Variants in THADA observed in about 807,000 individuals in gnomAD.
THADA encodes the protein tRNA (32-2'-O)-methyltransferase regulator THADA.
THADA carries 213 observed loss-of-function variants against 219.8 expected under a neutral mutation model. That is an observed-to-expected ratio of 0.97 (90% CI 0.87 to 1.09). THADA has a LOEUF of 1.09. Ranked by LOEUF, THADA falls within the 50% of genes least tolerant of loss-of-function variation. The probability of loss-of-function intolerance (pLI) is 0.00; values close to 1 mark genes in which losing one functional copy is unlikely to be tolerated. For missense variants in THADA, 2,956 were observed against 2,311.3 expected, an observed-to-expected ratio of 1.28 and a Z score of -5.72; for synonymous variants, 1,018 against 828.9, an observed-to-expected ratio of 1.23 and a Z score of -3.92.
intron 21 of THADA, among the ~76,000 whole-genome samples, chr2:43,540,334 A>G (rs767911476): frequency 7.2e-5 from 11 of 152,214 alleles, no homozygotes; most frequent in Admixed American, 3.9e-4. Flanking sequence ...TGCATGCAAC[A>G]TAAGCCACAG....
At chr2:43,573,132 A>G in intron 11 of THADA, 140 bp from the exon 12 acceptor site, 1 of 673,268 alleles carries the variant, frequency 1.5e-6, no homozygotes, top group South Asian at 3.0e-5. Flanking sequence ...AACACAAATT[A>G]AAGTTCCTAT....
intron 25 of THADA, chr2:43,486,649 A>T (rs1296968816): frequency 6.6e-6 from 1 of 152,230 alleles, no homozygotes; most frequent in Admixed American, 6.5e-5. Context: ...TAGAGTCACA[A>T]GCTCAAATGC....
At chr2:43,542,854 CTTTAA>C (rs757618997) in intron 20 of THADA, among the ~76,000 whole-genome samples, 10 of 151,928 alleles carry the variant, frequency 6.6e-5, no homozygotes, top group Admixed American at 2.0e-4. Flanking sequence ...TGAAAGTCTT[CTTTAA>C]TTTAATTTAA....
intron 36 of THADA, among the ~76,000 whole-genome samples, chr2:43,264,876 T>C (rs1478842039): frequency 6.6e-6 from 1 of 152,170 alleles, no homozygotes; most frequent in Non-Finnish European, 1.5e-5. Context: ...TTCCAGCAAA[T>C]GGTGGTGACA....
At chr2:43,474,011 A>G (rs1685224820) in intron 26 of THADA, among the ~76,000 whole-genome samples, 1 of 152,126 alleles carries the variant, frequency 6.6e-6, no homozygotes, top group Non-Finnish European at 1.5e-5. Flanking sequence ...ATCATAGGGG[A>G]TAGGAATTTT....
chr2:43,309,985 G>A (rs1258530122), intron 31 of THADA, among the ~76,000 whole-genome samples: 1 of 152,096 alleles, frequency 6.6e-6, no homozygotes, highest in Non-Finnish European at 1.5e-5. Flanking sequence ...AAAAGAATAG[G>A]AACAAATTAT....
chr2:43,287,629 A>G (rs1572920740), intron 34 of THADA, among the ~76,000 whole-genome samples: 1 of 152,196 alleles, frequency 6.6e-6, no homozygotes, highest in African/African-American at 2.4e-5. Flanking sequence ...AAATCAGGTT[A>G]TGAGAACACT....
At chr2:43,494,792 T>C (rs944549897) in intron 25 of THADA, among the ~76,000 whole-genome samples, 1 of 152,256 alleles carries the variant, frequency 6.6e-6, no homozygotes, top group Non-Finnish European at 1.5e-5. Context: ...AATATTTACA[T>C]ACTACATTTC....
At chr2:43,531,026 A>T (rs1402454405) in intron 21 of THADA, among the ~76,000 whole-genome samples, 2 of 152,240 alleles carry the variant, frequency 1.3e-5, no homozygotes, top group African/African-American at 2.4e-5. Context: ...CCTGTTAGAT[A>T]ACAGTCTTTC....
intron 36 of THADA, among the ~76,000 whole-genome samples, chr2:43,246,794 C>A (rs928195477): frequency 3.9e-5 from 6 of 152,210 alleles, no homozygotes; most frequent in African/African-American, 1.4e-4. Flanking sequence ...TCCCCTGTGG[C>A]CAACACTCCC....
At chr2:43,404,529 G>A (rs1573489014) in intron 28 of THADA, among the ~76,000 whole-genome samples, 1 of 151,894 alleles carries the variant, frequency 6.6e-6, no homozygotes, top group East Asian at 1.9e-4. Context: ...AAACTTTACT[G>A]TACCTTCTGT....
chr2:43,267,874 T>G (rs1671701023), intron 36 of THADA, among the ~76,000 whole-genome samples: 1 of 152,216 alleles, frequency 6.6e-6, no homozygotes. Flanking sequence ...ATACCCCGAC[T>G]AAAACACCAG....
At chr2:43,507,116 T>G (rs1430968714) in intron 23 of THADA, among the ~76,000 whole-genome samples, 2 of 152,188 alleles carry the variant, frequency 1.3e-5, no homozygotes, top group African/African-American at 4.8e-5. Context: ...ACTTTATTAG[T>G]AAGTCACGCT....
In THADA at chr2:43,485,290, C is replaced by T; in HGVS notation, c.3780G>A (p.Leu1260=). 6.2e-7 allele frequency: 1 copy of T among 1,613,048 alleles called. No individual in the cohort carries two copies. Among genetic ancestry groups the T allele is most frequent in the Non-Finnish European group, 8.5e-7 (1 of 1,179,396 alleles). ...RNSSTLLFSA[L]ITRIFGVKRA... ...TTTTAACTCCAAAAATTCTTGTGATCAAGGCACTAAAGAGAAGTGTGGATG... is the reference window on the plus strand; with the variant it reads ...TTTTAACTCCAAAAATTCTTGTGATTAAGGCACTAAAGAGAAGTGTGGATG... Residue 1260 remains leucine (L), a synonymous_variant, in exon 26 of 38, where the codon TTG becomes TTA. Transcript: ENST00000405975.
intron 34 of THADA, among the ~76,000 whole-genome samples, chr2:43,288,085 A>C (rs1674257946): frequency 6.6e-6 from 1 of 152,222 alleles, no homozygotes; most frequent in Admixed American, 6.5e-5. Context: ...TTTCTATCTG[A>C]TTTAAGCCAC....
intron 35 of THADA, among the ~76,000 whole-genome samples, chr2:43,280,809 A>G (rs1312570432): frequency 2.6e-5 from 4 of 152,234 alleles, no homozygotes; most frequent in Non-Finnish European, 2.9e-5. Context: ...ACAATGAATA[A>G]TAAAAGATAG....
At chr2:43,457,585 C>T (rs557790689) in intron 26 of THADA, among the ~76,000 whole-genome samples, 1 of 152,214 alleles carries the variant, frequency 6.6e-6, no homozygotes, top group Non-Finnish European at 1.5e-5. Context: ...TGATAGTTTT[C>T]ATATGTAAAT....
chr2:43,506,998 T>C (rs1184003609), intron 23 of THADA, among the ~76,000 whole-genome samples: 1 of 152,238 alleles, frequency 6.6e-6, no homozygotes, highest in Non-Finnish European at 1.5e-5. Context: ...TATGTCTATA[T>C]TGAAAATATT....
intron 26 of THADA, chr2:43,463,279 C>A (rs991135254): frequency 6.6e-6 from 1 of 152,160 alleles, no homozygotes; most frequent in African/African-American, 2.4e-5. Flanking sequence ...TCAGAAAGAG[C>A]AAACCAACAG....
Sources: gnomAD v4.1 joint callset for allele counts (sites outside exome capture counted in the v4.1 genomes callset) on GRCh38, gnomAD v4.1.1 for gene constraint, MANE v1.5 for transcripts, NCBI Gene and HGNC (gene_info 2026-07-23, HGNC 2026-07-21) for gene names.